The following CNTNAP3 variants were observed in gnomAD, a reference collection of about 807,000 sequenced individuals.
CNTNAP3 encodes contactin-associated protein-like 3.
CNTNAP3 carries 36 observed loss-of-function variants against 92.1 expected under a neutral mutation model. That is an observed-to-expected ratio of 0.39 (90% confidence interval 0.30 to 0.52). The LOEUF (loss-of-function observed/expected upper bound fraction) is 0.52. Ranked by LOEUF, CNTNAP3 falls within the 20% of genes least tolerant of loss-of-function variation. The pLI, the probability that CNTNAP3 is intolerant of heterozygous loss-of-function variation, is 0.76. For synonymous variants in CNTNAP3, 232 were observed against 422.3 expected (o/e 0.55, Z 5.53); for missense variants, 534 against 1,069.6 (o/e 0.50, Z 6.98).
At position 39,114,439 on chromosome 9, in the gene CNTNAP3, T is replaced by G. The variant is rs200526389; in HGVS notation, c.2237+3664A>C. On this transcript the variant is annotated intron_variant, in intron 14 of 23. Transcript: ENST00000297668. Reference sequence around the variant, plus strand: ...GATACACACAAGTGTAGTGAGATCTTTCTAGTGAGTTTATCTCAGCATTAG... The same window carrying G: ...GATACACACAAGTGTAGTGAGATCTGTCTAGTGAGTTTATCTCAGCATTAG... 3.1e-3 allele frequency among the ~76,000 whole-genome samples: 477 copies of G among 152,236 alleles called. 17 individuals are homozygous for G. In the East Asian group the frequency reaches 0.076, roughly 24 times the overall value.
intron 18 of CNTNAP3, among the ~76,000 whole-genome samples, chr9:39,089,744 A>G (rs1372668297): frequency 3.9e-5 from 6 of 152,128 alleles, no homozygotes; most frequent in Admixed American, 6.5e-5. Flanking sequence ...TTTCTTTTAA[A>G]TTACAGCTAT....
chr9:39,105,163 C>G (rs1304286504), intron 15 of CNTNAP3, among the ~76,000 whole-genome samples: 1 of 152,168 alleles, frequency 6.6e-6, no homozygotes, highest in Middle Eastern at 3.2e-3. Context: ...TGCAGTGGCT[C>G]ACGCCTGTAA....
chr9:39,119,355 C>CA (rs35344011), intron 13 of CNTNAP3, among the ~76,000 whole-genome samples: 34,177 of 101,046 alleles, frequency 0.34, 5,039 homozygotes, highest in African/African-American at 0.38. Flanking sequence ...GCCCCTCTGC[C>CA]AAAAAAAAAA....
At chr9:39,105,829 G>A (rs1826590382) in intron 15 of CNTNAP3, among the ~76,000 whole-genome samples, 1 of 149,914 alleles carries the variant, frequency 6.7e-6, no homozygotes, top group Admixed American at 6.6e-5. Flanking sequence ...TCAGTAGTCA[G>A]CTAGGAAATA....
Position 39,130,565 on chromosome 9 carries a change from C to T in CNTNAP3, c.2080+2367G>A, listed in dbSNP as rs1218233050. Among the ~76,000 whole-genome samples, 7 of 137,278 alleles carry T rather than the reference C, an allele frequency of 5.1e-5. 1 individual carries two copies. In the East Asian group the frequency reaches 6.5e-4, roughly 13 times the overall value. The allele number at this position is 137,278 out of a possible 152,430, so 90.1% of individuals were successfully genotyped here. On this transcript the variant is annotated intron_variant, in intron 13 of 23. Transcript: ENST00000297668. ...TGTCGCCCAGGCTGGAGTGCAGTGGCGCCATCTCGGCTCACTGCAAGCTCC... is the reference window on the plus strand; with the variant it reads ...TGTCGCCCAGGCTGGAGTGCAGTGGTGCCATCTCGGCTCACTGCAAGCTCC...
intron 10 of CNTNAP3, among the ~76,000 whole-genome samples, chr9:39,146,613 C>T (rs1454081567): frequency 6.6e-6 from 1 of 152,140 alleles, no homozygotes; most frequent in Non-Finnish European, 1.5e-5. Context: ...GGCATGAACC[C>T]AGGAGGCGGA....
rs1219791214 is a variant in CNTNAP3, at chr9:39,070,406, A to G, written c.*3484T>C. The stretch of plus-strand genomic sequence containing the variant: ...GTCATTATGTTAAGTGAAATAGGCC[A>G]GGCATAGAAAGACAAACATTGCCAT... On this transcript the variant is annotated 3_prime_UTR_variant, in exon 24 of 24. Coordinates refer to ENST00000297668, the MANE Select transcript of CNTNAP3 (RefSeq NM_033655.5). Among the ~76,000 whole-genome samples, 1 of 141,140 alleles carries G rather than the reference A, an allele frequency of 7.1e-6. No homozygotes were observed. The highest frequency in any genetic ancestry group is 2.7e-5 in the African/African-American group (1 of 36,664). 92.6% of individuals were successfully genotyped at this position (141,140 alleles called of 152,430 possible).
chr9:39,084,278 C>T (rs565625046), intron 21 of CNTNAP3, among the ~76,000 whole-genome samples: 224 of 149,896 alleles, frequency 1.5e-3, no homozygotes, highest in African/African-American at 5.3e-3. Context: ...CTGCAAGCTC[C>T]GCCTCCTGGG....
At chr9:39,132,605 T>G (rs956190913) in intron 13 of CNTNAP3, among the ~76,000 whole-genome samples, 2 of 152,110 alleles carry the variant, frequency 1.3e-5, no homozygotes, top group African/African-American at 2.4e-5. Flanking sequence ...TGAAGAATTG[T>G]TAGACCCAGC....
rs539627097 is a variant in CNTNAP3 at position 39,112,901 on chromosome 9, A to G, written c.2238-3614T>C. 7.3e-4 allele frequency among the ~76,000 whole-genome samples: 111 copies of G among 152,170 alleles called. 1 individual carries two copies. Among genetic ancestry groups the G allele is most frequent in the Admixed American group, 2.7e-3 (41 of 15,282 alleles). On this transcript the variant is annotated intron_variant, in intron 14 of 23. Transcript: ENST00000297668. Reference sequence around the variant, plus strand: ...TATCTTGCTTATCCTTTCATCCTTAATTTCCATATGAATTTTAAAACCAGG... The same window carrying G: ...TATCTTGCTTATCCTTTCATCCTTAGTTTCCATATGAATTTTAAAACCAGG...
At chr9:39,120,649 G>T (rs1045871871) in intron 13 of CNTNAP3, among the ~76,000 whole-genome samples, 14 of 152,130 alleles carry the variant, frequency 9.2e-5, no homozygotes, top group Admixed American at 9.2e-4. Context: ...CAACCTGGGC[G>T]ACAGAGTGAG....
In CNTNAP3 at chr9:39,109,256, C is replaced by A. The variant is rs1338001814; in HGVS notation, c.2269G>T (p.Glu757Ter). Reference protein sequence around the residue: ...TSDTIVLSQKEHLPVTQIVMT... With the variant: ...TSDTIVLSQK ...ACAATCTGAGTGACTGGCAGGTGCTCCTTTTGGGAAAGGACTATTGTGTCA... is the reference window on the plus strand; with the variant it reads ...ACAATCTGAGTGACTGGCAGGTGCTACTTTTGGGAAAGGACTATTGTGTCA... Residue 757 changes from glutamate (E) to a stop codon, truncating the protein, a stop_gained, in exon 15 of 24, where the codon GAG becomes TAG. Transcript: ENST00000297668. LOFTEE classifies it high-confidence loss of function. 3 of 1,612,108 alleles carry A rather than the reference C, an allele frequency of 1.9e-6. No individual in the cohort carries two copies. Among genetic ancestry groups the A allele is most frequent in the Non-Finnish European group, 2.5e-6 (3 of 1,179,756 alleles).
In CNTNAP3 at chr9:39,149,994, A is replaced by G. The variant is rs1468263105; in HGVS notation, c.1478-17T>C. On this transcript the variant is annotated splice_polypyrimidine_tract_variant and intron_variant, in intron 9 of 23. Coordinates refer to ENST00000297668, the MANE Select transcript of CNTNAP3 (RefSeq NM_033655.5). ...CCAGGCAGCCTAAATATGAAGACAA[A>G]AATAGGACAAAAGCAACAACTATGA... is the stretch of plus-strand genomic sequence containing the variant. The G allele has an allele frequency of 6.2e-7, 1 of 1,611,482 alleles. No homozygotes were observed. The highest frequency in any genetic ancestry group is 2.2e-5 in the East Asian group (1 of 44,874).
intron 23 of CNTNAP3, among the ~76,000 whole-genome samples, chr9:39,075,357 C>A (rs1825732363): frequency 2.0e-5 from 3 of 151,260 alleles, no homozygotes; most frequent in South Asian, 2.1e-4. Flanking sequence ...AAGCATGAAG[C>A]CATGCCACAG....
chr9:39,110,840 G>A (rs1221886896), intron 14 of CNTNAP3, among the ~76,000 whole-genome samples: 1 of 151,832 alleles, frequency 6.6e-6, no homozygotes, highest in East Asian at 1.9e-4. Context: ...TGTCTCAACT[G>A]CATGTACATT....
intron 12 of CNTNAP3, among the ~76,000 whole-genome samples, chr9:39,138,086 C>T (rs1228913327): frequency 6.6e-6 from 1 of 151,520 alleles, no homozygotes; most frequent in Non-Finnish European, 1.5e-5. Context: ...AGGTGGGGGT[C>T]TCACTGTGTT....
chr9:39,088,838 A>G lies in CNTNAP3; in HGVS notation c.2996-191T>C, dbSNP rs377466389. 3.5e-4 allele frequency among the ~76,000 whole-genome samples: 53 copies of G among 152,000 alleles called. No individual in the cohort carries two copies. In the East Asian group the frequency reaches 8.7e-3, roughly 25 times the overall value. ...AACTACAACTTGAAGAAAAAGTAGC[A>G]AACTCCAATATACTCATAACCCAAA... On this transcript the variant is annotated intron_variant, in intron 18 of 23. Coordinates refer to ENST00000297668, the MANE Select transcript of CNTNAP3 (RefSeq NM_033655.5).
At chr9:39,102,210 G>A (rs1318868499) in intron 17 of CNTNAP3, among the ~76,000 whole-genome samples, 1 of 152,270 alleles carries the variant, frequency 6.6e-6, no homozygotes, top group Non-Finnish European at 1.5e-5. Context: ...AACCCGGCAG[G>A]TGGAGGTTTC....
chr9:39,116,007 T>C (rs1311791996), intron 14 of CNTNAP3, among the ~76,000 whole-genome samples: 1 of 152,044 alleles, frequency 6.6e-6, no homozygotes, highest in Non-Finnish European at 1.5e-5. Context: ...ATACAAAAAT[T>C]AGCCGGGTGT....
Sources: allele counts gnomAD v4.1 joint callset (sites outside exome capture counted in the v4.1 genomes callset), GRCh38; gene constraint gnomAD v4.1.1; transcripts MANE v1.5; gene names NCBI Gene and HGNC (gene_info 2026-07-23, HGNC 2026-07-21).